The following PLS1 variants were observed in gnomAD, a reference collection of about 807,000 sequenced individuals.
The protein encoded by PLS1 is plastin 1.
Under a neutral mutation model 73.7 loss-of-function variants are expected in PLS1, and 32 were observed. The observed-to-expected ratio is 0.43, with a 90% CI of 0.33 to 0.58. PLS1 has a LOEUF of 0.58. Among genes scored for constraint, PLS1 ranks in the 20% least tolerant of loss-of-function variants. The pLI, the probability that PLS1 is intolerant of heterozygous loss-of-function variation, is 0.04. For synonymous variants in PLS1, 217 were observed against 261.3 expected (o/e 0.83, Z 1.63); for missense variants, 633 against 740.5 (o/e 0.85, Z 1.68).
At chr3:142,706,373 C>A (rs1440332095) in intron 14 of PLS1, among the ~76,000 whole-genome samples, 2 of 152,074 alleles carry the variant, frequency 1.3e-5, no homozygotes, top group Non-Finnish European at 2.9e-5. Flanking sequence ...TGGATTTGAA[C>A]ATCATAGATG....
At chr3:142,644,260 T>G (rs1032873501) in intron 1 of PLS1, among the ~76,000 whole-genome samples, 5 of 150,422 alleles carry the variant, frequency 3.3e-5, no homozygotes, top group South Asian at 4.2e-4. Flanking sequence ...TTGTTTTTTG[T>G]TTTTTTTTGA....
At chr3:142,696,797 G>A (rs1211613732) in intron 11 of PLS1, among the ~76,000 whole-genome samples, 1 of 150,270 alleles carries the variant, frequency 6.7e-6, no homozygotes, top group Non-Finnish European at 1.5e-5. Flanking sequence ...TTCATTTAAA[G>A]TAAAAAAGAA....
In PLS1 at chr3:142,674,720, A is replaced by G. The variant is rs184162305; in HGVS notation, c.365-1437A>G. On this transcript the variant is annotated intron_variant, in intron 4 of 15. Transcript: ENST00000457734. Reference sequence around the variant, plus strand: ...AGTGCTGGTATCTAGATTTGTGTCAATTTTTTCTTCGTTTTTTGTTTTTTT... The same window carrying G: ...AGTGCTGGTATCTAGATTTGTGTCAGTTTTTTCTTCGTTTTTTGTTTTTTT... Among the ~76,000 whole-genome samples the G allele has an allele frequency of 1.4e-3, 218 of 151,942 alleles. 2 individuals are homozygous for G. The highest frequency in any genetic ancestry group is 5.0e-3 in the African/African-American group (207 of 41,454).
intron 1 of PLS1, among the ~76,000 whole-genome samples, chr3:142,643,825 ATTTTTTT>A (rs67216911): frequency 1.1e-4 from 14 of 122,918 alleles, no homozygotes; most frequent in South Asian, 5.0e-4. Context: ...TCTTCATTTC[ATTTTTTT>A]TTTTTTTTTT....
At chr3:142,709,481 T>A (rs1226611253) in intron 14 of PLS1, among the ~76,000 whole-genome samples, 3 of 152,172 alleles carry the variant, frequency 2.0e-5, no homozygotes. Flanking sequence ...TGCCCAAAAA[T>A]CTGTATCATA....
intron 1 of PLS1, among the ~76,000 whole-genome samples, chr3:142,636,940 G>A (rs572693752): frequency 1.3e-5 from 2 of 152,242 alleles, no homozygotes; most frequent in Admixed American, 6.5e-5. Flanking sequence ...GTGGAGGAAC[G>A]CGAAATCTCA....
At chr3:142,641,158 TTA>T (rs138316946) in intron 1 of PLS1, among the ~76,000 whole-genome samples, 15 of 136,596 alleles carry the variant, frequency 1.1e-4, no homozygotes, top group African/African-American at 2.4e-4. Context: ...CCCAGAGTGA[TTA>T]TATATATATA....
chr3:142,642,135 T>C (rs1419516309), intron 1 of PLS1, among the ~76,000 whole-genome samples: 1 of 152,182 alleles, frequency 6.6e-6, no homozygotes, highest in African/African-American at 2.4e-5. Flanking sequence ...TTGTCACCTC[T>C]GTCTAACCTG....
At chr3:142,667,451 G>A (rs1343775847) in intron 2 of PLS1, among the ~76,000 whole-genome samples, 1 of 151,934 alleles carries the variant, frequency 6.6e-6, no homozygotes, top group African/African-American at 2.4e-5. Context: ...AGTTCTTATC[G>A]CTCCACTGCA....
At chr3:142,598,480 G>C (rs2035851023) in intron 1 of PLS1, among the ~76,000 whole-genome samples, 2 of 152,134 alleles carry the variant, frequency 1.3e-5, no homozygotes, top group South Asian at 4.1e-4. Context: ...TCACAGATTA[G>C]TTAGGGGGAT....
At chr3:142,700,354 G>A (rs928374624) in intron 12 of PLS1, among the ~76,000 whole-genome samples, 2 of 151,436 alleles carry the variant, frequency 1.3e-5, no homozygotes, top group African/African-American at 4.9e-5. Context: ...ATGGAGTCTC[G>A]CTCTGTTGCC....
In PLS1 at chr3:142,655,742, AG is replaced by A. The variant is rs1364290300; in HGVS notation, c.-36-8459del. ...CGTCTCAAAAAAAAAAAAAAAAAAAAGATCACAAAAGAGTTAGTCAGTTTGG... is the reference window on the plus strand; with the variant it reads ...CGTCTCAAAAAAAAAAAAAAAAAAAAATCACAAAAGAGTTAGTCAGTTTGG... On this transcript the variant is annotated intron_variant, in intron 1 of 15. Coordinates refer to ENST00000457734, the MANE Select transcript of PLS1 (RefSeq NM_001145319.2). Among the ~76,000 whole-genome samples the A allele has an allele frequency of 1.7e-4, 25 of 147,930 alleles. 1 individual carries two copies. The South Asian group carries it at 5.1e-3, about 30-fold the overall frequency.
chr3:142,677,768 G>T (rs769622827), intron 5 of PLS1, among the ~76,000 whole-genome samples: 1 of 152,018 alleles, frequency 6.6e-6, no homozygotes, highest in Non-Finnish European at 1.5e-5. Context: ...ATTAAGTTCC[G>T]GCATGAATTA....
intron 14 of PLS1, among the ~76,000 whole-genome samples, chr3:142,710,237 T>G (rs1933054479): frequency 6.6e-6 from 1 of 151,836 alleles, no homozygotes. Flanking sequence ...AAGCTGGTTT[T>G]CCTTTTGGTC....
intron 1 of PLS1, among the ~76,000 whole-genome samples, chr3:142,643,829 T>C (rs921308962): frequency 7.5e-5 from 3 of 40,056 alleles, no homozygotes; most frequent in South Asian, 5.0e-4. Flanking sequence ...CATTTCATTT[T>C]TTTTTTTTTT....
In PLS1 at chr3:142,711,972, T is replaced by C. The variant is rs1363327645; in HGVS notation, c.1855T>C (p.Cys619Arg). ...AAAGATGGTTATGACGGTGTTTGCATGCTTAATGGGAAAAGGACTGAACAG... is the reference window on the plus strand; with the variant it reads ...AAAGATGGTTATGACGGTGTTTGCACGCTTAATGGGAAAAGGACTGAACAG... ...KPKMVMTVFA[C>R]LMGKGLNRIK The change falls in exon 16 of 16, where the codon TGC becomes CGC. Residue 619 changes from cysteine to arginine, a missense_variant. Physicochemically the swap from Cys to Arg is radical, Grantham distance 180. Coordinates refer to ENST00000457734, the MANE Select transcript of PLS1 (RefSeq NM_001145319.2). 6.2e-7 allele frequency: 1 copy of C among 1,613,696 alleles called. No individual in the cohort carries two copies.
At chr3:142,610,793 T>C (rs2036107905) in intron 1 of PLS1, among the ~76,000 whole-genome samples, 1 of 152,176 alleles carries the variant, frequency 6.6e-6, no homozygotes, top group Admixed American at 6.5e-5. Flanking sequence ...ACAACTATCT[T>C]TACCACATAT....
intron 1 of PLS1, among the ~76,000 whole-genome samples, chr3:142,596,982 C>T (rs1418744457): frequency 1.3e-5 from 2 of 152,044 alleles, no homozygotes; most frequent in Non-Finnish European, 2.9e-5. Context: ...CCTCTGGATG[C>T]GGCATAAAAA....
intron 4 of PLS1, among the ~76,000 whole-genome samples, chr3:142,675,384 TTTTTTG>T (rs142786153): frequency 0.2 from 30,102 of 151,610 alleles, 3,794 homozygotes; most frequent in Non-Finnish European, 0.28. Flanking sequence ...TTTTTGTTTG[TTTTTTG>T]TTTTTGTTTT....
Sources: gnomAD v4.1 joint callset for allele counts (sites outside exome capture counted in the v4.1 genomes callset) on GRCh38, gnomAD v4.1.1 for gene constraint, MANE v1.5 for transcripts, NCBI Gene and HGNC (gene_info 2026-07-23, HGNC 2026-07-21) for gene names.